Variants in MTMR10 observed in about 807,000 individuals in gnomAD.
MTMR10 encodes the protein myotubularin-related protein 10.
MTMR10 carries 56 observed loss-of-function variants against 88.1 expected under a neutral mutation model. That is an observed-to-expected ratio of 0.64 (90% CI 0.51 to 0.79). MTMR10 has a LOEUF of 0.79. Ranked by LOEUF, MTMR10 falls within the 30% of genes least tolerant of loss-of-function variation. MTMR10 has a pLI of 0.00. For missense variants in MTMR10, 883 were observed against 924.7 expected, an observed-to-expected ratio of 0.95 and a Z score of 0.58; for synonymous variants, 380 against 340.9, an observed-to-expected ratio of 1.11 and a Z score of -1.26.
intron 13 of MTMR10, 80 bp from the exon 14 acceptor site, chr15:30,947,380 T>C (rs2063186280): frequency 9.6e-6 from 14 of 1,460,892 alleles, no homozygotes; most frequent in South Asian, 1.3e-5. Flanking sequence ...GTACTGCTGA[T>C]GTTAAAGAAG....
chr15:30,954,663 T>C (rs937245390), intron 10 of MTMR10, 100 bp downstream of exon 10: 1 of 1,188,716 alleles, frequency 8.4e-7, no homozygotes, highest in Non-Finnish European at 1.1e-6. Flanking sequence ...ACTCCTTAAA[T>C]ATATCTATTT....
At chr15:30,967,832 G>T in intron 6 of MTMR10, 88 bp downstream of exon 6, 1 of 1,037,970 alleles carries the variant, frequency 9.6e-7, no homozygotes, top group Non-Finnish European at 1.4e-6. Context: ...AATCATTAAA[G>T]CTCATGTACT....
chr15:30,948,160 TA>T, intron 13 of MTMR10, 141 bp downstream of exon 13: 1 of 685,320 alleles, frequency 1.5e-6, no homozygotes, highest in Non-Finnish European at 2.2e-6. Context: ...ATTTGAACTC[TA>T]ATCCATTAGT....
chr15:30,946,137 G>C (rs1244753000), intron 14 of MTMR10: 1 of 152,262 alleles, frequency 6.6e-6, no homozygotes, highest in Non-Finnish European at 1.5e-5. Context: ...CCCAGGCCTT[G>C]TCCTTTTCTT....
At position 30,939,907 on chromosome 15, in the gene MTMR10, TTTACCCA is replaced by T; in HGVS notation, c.*1556_*1562del. The T allele has an allele frequency of 1.0e-6, 1 of 985,376 alleles. No homozygotes were observed. Among genetic ancestry groups the T allele is most frequent in the Non-Finnish European group, 1.2e-6 (1 of 829,866 alleles). The allele number at this position is 985,376 out of a possible 1,614,324, so 61.0% of individuals were successfully genotyped here. A position where few individuals can be genotyped will look rare whatever the true frequency, so the allele number is the denominator to read the frequency against. On this transcript the variant is annotated 3_prime_UTR_variant, in exon 16 of 16. Coordinates refer to ENST00000435680, the MANE Select transcript of MTMR10 (RefSeq NM_017762.3). ...GCAACAAGTTGGCAAAAACCTTGGG[TTTACCCA>T]TAAAGTGAATTTCTTAAGATATTTT...
chr15:30,979,031 C>T (rs2030366265), intron 2 of MTMR10, among the ~76,000 whole-genome samples: 2 of 152,262 alleles, frequency 1.3e-5, no homozygotes, highest in South Asian at 4.1e-4. Context: ...TTTCTCCTCT[C>T]CAGTAAATCT....
Position 30,947,133 on chromosome 15 carries a change from G to A in MTMR10, c.1545C>T (p.Ser515=), listed in dbSNP as rs1212963005. ...FNSPHQRVKQ[S]TEFAISKNIQ... ...CCACAGCCACAGGGTTGCTTACCGT[G>A]CTTTGCTTCACTCGCTGGTGAGGGG... The change falls in exon 14 of 16, where the codon AGC becomes AGT. Residue 515 remains serine, a synonymous_variant. Transcript: ENST00000435680. 1 of 1,603,686 alleles carries A rather than the reference G, an allele frequency of 6.2e-7. No homozygotes were observed. Among genetic ancestry groups the A allele is most frequent in the Non-Finnish European group, 8.5e-7 (1 of 1,176,074 alleles).
intron 6 of MTMR10, among the ~76,000 whole-genome samples, chr15:30,964,757 T>G (rs557964244): frequency 2.6e-5 from 4 of 152,328 alleles, no homozygotes; most frequent in African/African-American, 9.6e-5. Flanking sequence ...TTTTATGACA[T>G]GCCTCCACAG....
rs957095505 is a variant in MTMR10, at chr15:30,941,083, T to C, written c.*387A>G. The C allele has an allele frequency of 7.4e-6, 9 of 1,213,040 alleles. No homozygotes were observed. The highest frequency in any genetic ancestry group is 9.4e-6 in the Non-Finnish European group (9 of 956,342). The allele number at this position is 1,213,040 out of a possible 1,614,324, so 75.1% of individuals were successfully genotyped here. A position where few individuals can be genotyped will look rare whatever the true frequency, so the allele number is the denominator to read the frequency against. ...ACCTGCTGGAGGTTTTATCAGATGC[T>C]CCTAAAAATGACACGAAACACAAAT... On this transcript the variant is annotated 3_prime_UTR_variant, in exon 16 of 16. Coordinates refer to ENST00000435680, the MANE Select transcript of MTMR10 (RefSeq NM_017762.3).
intron 14 of MTMR10, chr15:30,946,162 AT>A (rs1213524441): frequency 6.6e-6 from 1 of 152,276 alleles, no homozygotes; most frequent in African/African-American, 2.4e-5. Flanking sequence ...ATGCCCATTA[AT>A]TAAGTTCTCC....
At chr15:30,936,223 G>A (rs2062849441), downstream of MTMR10, among the ~76,000 whole-genome samples, 1 of 152,144 alleles carries the variant, frequency 6.6e-6, no homozygotes, top group Non-Finnish European at 1.5e-5. Flanking sequence ...TGAATGCCAT[G>A]AAAGAAGTGC....
intron 11 of MTMR10, 31 bp downstream of exon 11, chr15:30,953,531 T>A: frequency 1.4e-6 from 2 of 1,480,720 alleles, no homozygotes; most frequent in South Asian, 2.5e-5. Context: ...AAATAAAAAG[T>A]TAAAGGAAAA....
chr15:30,956,556 G>T (rs2063330789), intron 9 of MTMR10, among the ~76,000 whole-genome samples: 1 of 152,234 alleles, frequency 6.6e-6, no homozygotes, highest in Non-Finnish European at 1.5e-5. Flanking sequence ...GTTCTAGGCA[G>T]AGGGCAGCTA....
At chr15:30,938,587 G>C (rs2062934343), downstream of MTMR10, among the ~76,000 whole-genome samples, 2 of 152,198 alleles carry the variant, frequency 1.3e-5, no homozygotes, top group African/African-American at 2.4e-5. Flanking sequence ...GGCTGGGCAA[G>C]GGGGTGTGGT....
the MTMR10 span, among the ~76,000 whole-genome samples, chr15:30,924,738 C>T: frequency 6.6e-6 from 1 of 152,158 alleles, no homozygotes; most frequent in African/African-American, 2.4e-5. Context: ...TGGAGGTTCT[C>T]ATTGTGTGGA....
At chr15:30,932,400 ACTTTT>A in the MTMR10 span, among the ~76,000 whole-genome samples, 24 of 152,122 alleles carry the variant, frequency 1.6e-4, no homozygotes, top group Non-Finnish European at 7.4e-5. Flanking sequence ...ATTGAGCTGT[ACTTTT>A]CTTTTCTTAT....
At chr15:30,955,309 C>T (rs920863601) in intron 9 of MTMR10, among the ~76,000 whole-genome samples, 20 of 152,212 alleles carry the variant, frequency 1.3e-4, no homozygotes, top group Non-Finnish European at 1.9e-4. Flanking sequence ...CTCATACTGT[C>T]GCCCAGGCTG....
chr15:30,990,752 T>A (rs963767550), intron 2 of MTMR10, 25 bp downstream of exon 2: 4 of 1,594,386 alleles, frequency 2.5e-6, no homozygotes, highest in Middle Eastern at 3.3e-4. Context: ...CTAAAGTATC[T>A]GTTAGAATCC....
At chr15:30,922,455 A>G in the MTMR10 span, 15 of 1,181,060 alleles carry the variant, frequency 1.3e-5, no homozygotes, top group South Asian at 3.0e-5. Context: ...TAATTAGAAC[A>G]TGTATTTCTT....
Sources: gnomAD v4.1 joint callset for allele counts (sites outside exome capture counted in the v4.1 genomes callset) on GRCh38, gnomAD v4.1.1 for gene constraint, MANE v1.5 for transcripts, NCBI Gene and HGNC (gene_info 2026-07-23, HGNC 2026-07-21) for gene names.